The following NAALADL2 variants were observed in gnomAD, a reference collection of about 807,000 sequenced individuals.
The protein encoded by NAALADL2 is N-acetylated alpha-linked acidic dipeptidase like 2.
NAALADL2 carries 76 observed loss-of-function variants against 87.2 expected under a neutral mutation model. The observed-to-expected ratio is 0.87, with a 90% CI of 0.72 to 1.05. NAALADL2 has a LOEUF of 1.05. Ranked by LOEUF, NAALADL2 falls within the 50% of genes least tolerant of loss-of-function variation. NAALADL2 has a pLI of 0.00. For missense variants in NAALADL2, 1,089 were observed against 945.8 expected, an observed-to-expected ratio of 1.15 and a Z score of -1.99; for synonymous variants, 354 against 331.0, an observed-to-expected ratio of 1.07 and a Z score of -0.75.
intron 13 of NAALADL2, 88 bp downstream of exon 13, chr3:175,755,506 A>T: frequency 2.1e-6 from 2 of 938,704 alleles, no homozygotes; most frequent in South Asian, 4.6e-5. Flanking sequence ...CTATGAACAT[A>T]ACAGTAGTGT....
At chr3:175,781,627 A>G (rs1167808158) in intron 13 of NAALADL2, among the ~76,000 whole-genome samples, 4 of 150,486 alleles carry the variant, frequency 2.7e-5, no homozygotes, top group Non-Finnish European at 5.9e-5. Context: ...GCCTGGGCTA[A>G]TGTGTTTGTT....
chr3:174,909,179 A>C (rs903700067), intron 1 of NAALADL2, among the ~76,000 whole-genome samples: 2 of 152,042 alleles, frequency 1.3e-5, no homozygotes, highest in Non-Finnish European at 2.9e-5. Flanking sequence ...ACCTCACCTG[A>C]GGTCAGGAGT....
At chr3:174,725,881 A>G (rs1732135464) in intron 2 of NAALADL2, among the ~76,000 whole-genome samples, 1 of 152,198 alleles carries the variant, frequency 6.6e-6, no homozygotes, top group Non-Finnish European at 1.5e-5. Flanking sequence ...ACTTGTTTTT[A>G]ACTATACTTT....
At chr3:175,717,285 A>G (rs1741440754) in intron 11 of NAALADL2, among the ~76,000 whole-genome samples, 1 of 152,172 alleles carries the variant, frequency 6.6e-6, no homozygotes, top group African/African-American at 2.4e-5. Context: ...TACATCTGCT[A>G]TGACCTGGGC....
chr3:175,512,399 A>G (rs1427496397), intron 9 of NAALADL2, among the ~76,000 whole-genome samples: 1 of 152,098 alleles, frequency 6.6e-6, no homozygotes, highest in Admixed American at 6.6e-5. Flanking sequence ...GAATAACTGA[A>G]CTTTTAAATA....
At chr3:175,534,591 C>T (rs984102044) in intron 9 of NAALADL2, among the ~76,000 whole-genome samples, 3 of 151,964 alleles carry the variant, frequency 2.0e-5, no homozygotes, top group African/African-American at 7.3e-5. Context: ...ATACCCATGG[C>T]TTCAGTTCCC....
At chr3:175,623,939 G>T (rs1222945848) in intron 10 of NAALADL2, among the ~76,000 whole-genome samples, 1 of 71,250 alleles carries the variant, frequency 1.4e-5, no homozygotes, top group Non-Finnish European at 3.5e-5. Flanking sequence ...CTCTTGAGGT[G>T]TAAATGAAAA....
intron 13 of NAALADL2, among the ~76,000 whole-genome samples, chr3:175,791,470 A>G (rs950386852): frequency 6.6e-6 from 1 of 152,136 alleles, no homozygotes; most frequent in African/African-American, 2.4e-5. Flanking sequence ...TTTACATCTG[A>G]AAGAAGAGAA....
At chr3:174,823,275 C>T (rs1721625746) in intron 3 of NAALADL2, among the ~76,000 whole-genome samples, 1 of 151,768 alleles carries the variant, frequency 6.6e-6, no homozygotes, top group Non-Finnish European at 1.5e-5. Flanking sequence ...ACAAATACAG[C>T]TCCTTCTTTT....
intron 5 of NAALADL2, among the ~76,000 whole-genome samples, chr3:175,352,995 C>A (rs963129875): frequency 1.3e-5 from 2 of 151,912 alleles, no homozygotes; most frequent in African/African-American, 4.8e-5. Flanking sequence ...ATCAACGAAC[C>A]CTGAAAGACA....
At chr3:175,016,467 A>G (rs1750832369) in intron 1 of NAALADL2, among the ~76,000 whole-genome samples, 1 of 151,402 alleles carries the variant, frequency 6.6e-6, no homozygotes, top group Non-Finnish European at 1.5e-5. Context: ...ATATGAGTAT[A>G]TATGGTAAGA....
At chr3:175,464,589 C>T (rs1020673610) in intron 7 of NAALADL2, among the ~76,000 whole-genome samples, 1 of 152,092 alleles carries the variant, frequency 6.6e-6, no homozygotes, top group Non-Finnish European at 1.5e-5. Context: ...TTTGCTACTT[C>T]TGTTGATTTT....
At chr3:175,042,898 A>C (rs1754247142) in intron 1 of NAALADL2, among the ~76,000 whole-genome samples, 1 of 152,014 alleles carries the variant, frequency 6.6e-6, no homozygotes, top group South Asian at 2.1e-4. Context: ...GGAGTTAGTG[A>C]GTGCTCACTC....
intron 10 of NAALADL2, among the ~76,000 whole-genome samples, chr3:175,608,120 G>A (rs954556924): frequency 6.6e-6 from 1 of 151,014 alleles, no homozygotes; most frequent in Non-Finnish European, 1.5e-5. Context: ...TCCCACAGAT[G>A]TTATTATTAA....
chr3:174,470,744 A>C (rs1716847209), intron 1 of NAALADL2, among the ~76,000 whole-genome samples: 2 of 151,858 alleles, frequency 1.3e-5, no homozygotes, highest in Non-Finnish European at 2.9e-5. Context: ...CCTATTGTTT[A>C]TTTTTGTCAA....
chr3:175,332,147 A>G (rs1276342432), intron 5 of NAALADL2, among the ~76,000 whole-genome samples: 2 of 152,186 alleles, frequency 1.3e-5, no homozygotes, highest in African/African-American at 2.4e-5. Context: ...AAAATGACCA[A>G]ACTGCCTAAA....
chr3:175,413,399 ATC>A lies in NAALADL2; in HGVS notation c.1091-33826_1091-33825del, dbSNP rs1195256655. On this transcript the variant is annotated intron_variant, in intron 5 of 13. Transcript: ENST00000454872. The stretch of plus-strand genomic sequence containing the variant: ...ATCCTGGCTAACACGGTGAAACCCC[ATC>A]TCTACTAAAAGTACAAAAAATTGGC... Among the ~76,000 whole-genome samples the A allele has an allele frequency of 2.6e-5, 4 of 151,294 alleles. No individual in the cohort carries two copies. In the South Asian group the frequency reaches 8.4e-4, roughly 32 times the overall value.
chr3:175,406,177 G>A (rs921639912), intron 5 of NAALADL2, among the ~76,000 whole-genome samples: 1 of 152,222 alleles, frequency 6.6e-6, no homozygotes, highest in Non-Finnish European at 1.5e-5. Context: ...TGGAGTGAAT[G>A]AGAAAGACGG....
At chr3:174,489,829 A>T (rs1718071311) in intron 1 of NAALADL2, among the ~76,000 whole-genome samples, 1 of 152,066 alleles carries the variant, frequency 6.6e-6, no homozygotes, top group African/African-American at 2.4e-5. Context: ...GTTGTAGAGA[A>T]ATGGGAATCC....
Sources: gnomAD v4.1 joint callset for allele counts (sites outside exome capture counted in the v4.1 genomes callset) on GRCh38, gnomAD v4.1.1 for gene constraint, MANE v1.5 for transcripts, NCBI Gene and HGNC (gene_info 2026-07-23, HGNC 2026-07-21) for gene names.